Variants in ADAMTS17 observed in about 807,000 individuals in gnomAD.
ADAMTS17 encodes the protein A disintegrin and metalloproteinase with thrombospondin motifs 17.
ADAMTS17 carries 113 observed loss-of-function variants against 141.5 expected under a neutral mutation model. That is an observed-to-expected ratio of 0.80 (90% CI 0.69 to 0.93). The LOEUF is 0.93. Ranked by LOEUF, ADAMTS17 falls within the 40% of genes least tolerant of loss-of-function variation. ADAMTS17 has a pLI of 0.00. For synonymous variants in ADAMTS17, 768 were observed against 630.6 expected, an observed-to-expected ratio of 1.22 and a Z score of -3.27; for missense variants, 1,659 against 1,517.9, an observed-to-expected ratio of 1.09 and a Z score of -1.54.
chr15:100,202,167 C>T (rs543592649), intron 7 of ADAMTS17, among the ~76,000 whole-genome samples: 1 of 152,206 alleles, frequency 6.6e-6, no homozygotes, highest in South Asian at 2.1e-4. Flanking sequence ...AAACACATCC[C>T]CCCTGGCCTC....
chr15:100,078,077 A>G (rs1327580523), intron 15 of ADAMTS17, among the ~76,000 whole-genome samples: 4 of 152,238 alleles, frequency 2.6e-5, no homozygotes, highest in African/African-American at 9.6e-5. Context: ...ACTACAATAC[A>G]TTGCTGAAAG....
chr15:100,117,126 C>T (rs1040045395), intron 12 of ADAMTS17, 113 bp from the exon 13 acceptor site: 3 of 1,242,550 alleles, frequency 2.4e-6, no homozygotes, highest in African/African-American at 3.0e-5. Flanking sequence ...GCAAGGTTTC[C>T]AAAGCCACCC....
intron 8 of ADAMTS17, among the ~76,000 whole-genome samples, chr15:100,157,958 G>A (rs1051285723): frequency 4.0e-5 from 6 of 150,208 alleles, no homozygotes; most frequent in African/African-American, 4.9e-5. Context: ...GCAGAATCTC[G>A]GATCACTGCA....
chr15:99,981,670 G>T (rs1323800539), intron 20 of ADAMTS17, among the ~76,000 whole-genome samples: 2 of 152,176 alleles, frequency 1.3e-5, no homozygotes, highest in Non-Finnish European at 2.9e-5. Flanking sequence ...ATAGATGTGT[G>T]TATACCTATG....
rs2060816829 is a variant in ADAMTS17, at chr15:99,997,085, G to A, written c.2796+300C>T. On this transcript the variant is annotated intron_variant, in intron 19 of 21. Coordinates refer to ENST00000268070, the MANE Select transcript of ADAMTS17 (RefSeq NM_139057.4). This position sits in a 1 kb window ranked among gnomAD's most constrained non-coding sequence, Gnocchi z 4.7. ...ACACCACAGTTAAATACACCCAAAG[G>A]AGAATTAAAAAGTCGGTCAGTATCT... 1.3e-5 allele frequency among the ~76,000 whole-genome samples: 2 copies of A among 152,172 alleles called. No individual in the cohort carries two copies. The highest frequency in any genetic ancestry group is 4.1e-4 in the South Asian group (2 of 4,828).
chr15:100,303,057 T>G (rs1172679839), intron 3 of ADAMTS17, among the ~76,000 whole-genome samples: 1 of 150,642 alleles, frequency 6.6e-6, no homozygotes, highest in African/African-American at 2.4e-5. Flanking sequence ...TGTGGGACCT[T>G]ATGATCATGT....
intron 15 of ADAMTS17, among the ~76,000 whole-genome samples, chr15:100,066,394 A>T (rs79972680): frequency 1.9e-3 from 263 of 137,010 alleles, no homozygotes; most frequent in African/African-American, 6.4e-3. Flanking sequence ...TTTTTTTTTT[A>T]AATTATTTCA....
intron 18 of ADAMTS17, among the ~76,000 whole-genome samples, chr15:100,011,982 T>C (rs1461102514): frequency 6.6e-6 from 1 of 152,232 alleles, no homozygotes; most frequent in Non-Finnish European, 1.5e-5. Flanking sequence ...TTTTCCATAG[T>C]GGCTGTACTA....
intron 3 of ADAMTS17, among the ~76,000 whole-genome samples, chr15:100,296,615 G>A (rs1316863470): frequency 6.6e-6 from 1 of 152,050 alleles, no homozygotes; most frequent in African/African-American, 2.4e-5. Context: ...ATGTGTGTGT[G>A]TGCGCATGCA....
chr15:100,272,111 C>G (rs1219490339), intron 4 of ADAMTS17, among the ~76,000 whole-genome samples: 1 of 152,076 alleles, frequency 6.6e-6, no homozygotes, highest in Non-Finnish European at 1.5e-5. Flanking sequence ...ATTATTACAG[C>G]TTTTGAGTAA....
intron 18 of ADAMTS17, among the ~76,000 whole-genome samples, chr15:100,041,390 G>A (rs1480261509): frequency 3.9e-5 from 6 of 152,202 alleles, no homozygotes; most frequent in Non-Finnish European, 7.3e-5. Context: ...CTTAAAGACT[G>A]CAAAAATGTT....
intron 12 of ADAMTS17, among the ~76,000 whole-genome samples, chr15:100,130,313 G>A (rs984110720): frequency 2.0e-5 from 3 of 150,992 alleles, no homozygotes; most frequent in East Asian, 3.9e-4. Flanking sequence ...GCAGTGAGCC[G>A]AGACTGGGCC....
At chr15:100,206,257 ACCAGCCTG>A (rs2041553356) in intron 7 of ADAMTS17, among the ~76,000 whole-genome samples, 2 of 152,026 alleles carry the variant, frequency 1.3e-5, no homozygotes, top group Non-Finnish European at 2.9e-5. Flanking sequence ...CCATGCCCTG[ACCAGCCTG>A]CCGGATGGCT....
Position 100,059,266 on chromosome 15 carries a change from C to G in ADAMTS17, c.2138-5212G>C, listed in dbSNP as rs186531394. ...CCAGAAAGAATACACTTGGCATGCC[C>G]ACGCACTGCCTGTGGCCATCGCCGC... On this transcript the variant is annotated intron_variant, in intron 15 of 21. Coordinates refer to ENST00000268070, the MANE Select transcript of ADAMTS17 (RefSeq NM_139057.4). Among the ~76,000 whole-genome samples, 164 of 152,372 alleles carry G rather than the reference C, an allele frequency of 1.1e-3. 3 individuals carry two copies. The highest frequency in any genetic ancestry group is 3.7e-3 in the African/African-American group (155 of 41,584).
chr15:100,082,499 C>G (rs928409172), intron 15 of ADAMTS17, among the ~76,000 whole-genome samples: 1 of 151,988 alleles, frequency 6.6e-6, no homozygotes. Context: ...AATCCTCCTG[C>G]CCCCGCTTCC....
At chr15:100,228,137 A>G (rs1258274739) in intron 7 of ADAMTS17, among the ~76,000 whole-genome samples, 2 of 152,112 alleles carry the variant, frequency 1.3e-5, no homozygotes, top group Non-Finnish European at 2.9e-5. Flanking sequence ...CAAGGCTTTC[A>G]GAAGGGGCCA....
At chr15:100,073,897 T>A (rs2034175359) in intron 15 of ADAMTS17, among the ~76,000 whole-genome samples, 1 of 111,474 alleles carries the variant, frequency 9.0e-6, no homozygotes, top group African/African-American at 2.9e-5. Context: ...ACATGTACCC[T>A]AAAACTTAAA....
chr15:100,195,056 C>T (rs1319579328), intron 8 of ADAMTS17, among the ~76,000 whole-genome samples: 1 of 152,278 alleles, frequency 6.6e-6, no homozygotes, highest in African/African-American at 2.4e-5. Context: ...TTTCTAATTA[C>T]TAGCTGAACC....
At chr15:99,990,493 T>C (rs986589196) in intron 20 of ADAMTS17, among the ~76,000 whole-genome samples, 25 of 152,208 alleles carry the variant, frequency 1.6e-4, no homozygotes, top group Admixed American at 1.0e-3. Context: ...CTCAGTTCTA[T>C]TGCCTTGGTC....
Sources: gnomAD v4.1 joint callset for allele counts (sites outside exome capture counted in the v4.1 genomes callset) on GRCh38, gnomAD v4.1.1 for gene constraint, Gnocchi (gnomAD v3.1) non-coding constraint, MANE v1.5 for transcripts, NCBI Gene and HGNC (gene_info 2026-07-23, HGNC 2026-07-21) for gene names.